The following BPIFB4 variants were observed in gnomAD, a reference collection of about 807,000 sequenced individuals.
BPIFB4 encodes the protein BPI fold-containing family B member 4.
A neutral mutation model predicts 69.2 loss-of-function variants in BPIFB4; 62 were observed. The ratio of observed to expected loss-of-function variants is 0.90; its 90% confidence interval spans 0.73 to 1.11. The LOEUF is 1.11. Among genes scored for constraint, BPIFB4 ranks in the 50% least tolerant of loss-of-function variants. The probability of loss-of-function intolerance (pLI) is 0.00; values close to 1 mark genes in which losing one functional copy is unlikely to be tolerated. For missense variants in BPIFB4, 789 were observed against 792.0 expected (o/e 1.00, Z 0.04); for synonymous variants, 330 against 332.7 (o/e 0.99, Z 0.09).
chr20:33,107,764 C>T lies in BPIFB4; in HGVS notation c.1765C>T (p.Pro589Ser). Residue 589 changes from proline (P) to serine (S), a missense_variant, in exon 17 of 18, where the codon CCT becomes TCT. By Grantham distance (74) the Pro-to-Ser change is moderately conservative (BLOSUM62 -1). Transcript: ENST00000375483. ...TACAGCTGTGCTGGGTTCTGGCGTC[C>T]CTCTCCCCAAAATCCTCAACATCGA... ...AMNAVLGSGVPLPKILNIDFS... is the reference protein window; with the variant it reads ...AMNAVLGSGVSLPKILNIDFS... 1.9e-6 allele frequency: 3 copies of T among 1,614,102 alleles called. No homozygotes were observed. The highest frequency in any genetic ancestry group is 2.7e-5 in the African/African-American group (2 of 75,060).
intron 8 of BPIFB4, 31 bp downstream of exon 8, chr20:33,089,060 G>A: frequency 1.9e-6 from 3 of 1,613,672 alleles, no homozygotes; most frequent in Non-Finnish European, 2.5e-6. Context: ...GGGAGCAAGG[G>A]GCACAGGCTT....
intron 14 of BPIFB4, among the ~76,000 whole-genome samples, chr20:33,101,086 G>A (rs566379046): frequency 3.3e-5 from 5 of 152,298 alleles, no homozygotes; most frequent in African/African-American, 1.2e-4. Flanking sequence ...CGAGGAGGAG[G>A]AGGAGGATGC....
Position 33,097,609 on chromosome 20 carries a change from G to A in BPIFB4, c.1399-8G>A. ...GCCCTGTCCATCTGGCCTGGTGCCT[G>A]CCCACAGGTGTTCCAGCAGTACCCC... On this transcript the variant is annotated splice_polypyrimidine_tract_variant and splice_region_variant and intron_variant, in intron 12 of 17. Coordinates refer to ENST00000375483, the MANE Select transcript of BPIFB4 (RefSeq NM_182519.3). 1.2e-6 allele frequency: 2 copies of A among 1,612,996 alleles called. No homozygotes were observed. Among genetic ancestry groups the A allele is most frequent in the Non-Finnish European group, 1.7e-6 (2 of 1,179,404 alleles).
chr20:33,111,577 C>A lies in BPIFB4; in HGVS notation c.*140C>A. ...TCCCTGGCCCCCCAACCCTCTTCCT[C>A]CCTTGCCCCAACCCTGAGAAAGGGT... On this transcript the variant is annotated 3_prime_UTR_variant, in exon 18 of 18. Coordinates refer to ENST00000375483, the MANE Select transcript of BPIFB4 (RefSeq NM_182519.3). 2 of 1,038,318 alleles carry A rather than the reference C, an allele frequency of 1.9e-6. No homozygotes were observed. Among genetic ancestry groups the A allele is most frequent in the South Asian group, 1.5e-5 (1 of 68,682 alleles). The allele number at this position is 1,038,318 out of a possible 1,614,324, so 64.3% of individuals were successfully genotyped here. A position where few individuals can be genotyped will look rare whatever the true frequency, so the allele number is the denominator to read the frequency against.
chr20:33,080,887 G>C, intron 2 of BPIFB4, among the ~76,000 whole-genome samples: 1 of 152,106 alleles, frequency 6.6e-6, no homozygotes, highest in Non-Finnish European at 1.5e-5. Flanking sequence ...ATGGATGGAT[G>C]GTGGGATGGG....
chr20:33,092,818 C>T (rs1981646725), intron 11 of BPIFB4, among the ~76,000 whole-genome samples, 160 bp downstream of exon 11: 1 of 152,224 alleles, frequency 6.6e-6, no homozygotes, highest in Non-Finnish European at 1.5e-5. Context: ...TCAATTACGT[C>T]AGTACTTGCC....
Position 33,083,551 on chromosome 20 carries a change from C to T in BPIFB4, c.354C>T (p.Leu118=). 6.2e-7 allele frequency: 1 copy of T among 1,614,044 alleles called. No homozygotes were observed. The highest frequency in any genetic ancestry group is 8.5e-7 in the Non-Finnish European group (1 of 1,179,966). ...ILESEGSIRD[L]RNSGYRSAEN... Reference sequence around the variant, plus strand: ...AGTCCGAGGGAAGCATCAGGGACCTCCGAAACAGTGGCTATCGCAGTGCCG... The same window carrying T: ...AGTCCGAGGGAAGCATCAGGGACCTTCGAAACAGTGGCTATCGCAGTGCCG... Residue 118 remains leucine, a synonymous_variant, in exon 5 of 18, where the codon CTC becomes CTT. Transcript: ENST00000375483.
chr20:33,096,733 G>T, intron 12 of BPIFB4, among the ~76,000 whole-genome samples: 1 of 152,308 alleles, frequency 6.6e-6, no homozygotes, highest in Admixed American at 6.5e-5. Context: ...CCTCAGTGGC[G>T]CTGGGACTGC....
chr20:33,111,174 G>A (rs761622693), intron 17 of BPIFB4, among the ~76,000 whole-genome samples: 1 of 152,080 alleles, frequency 6.6e-6, no homozygotes, highest in Non-Finnish European at 1.5e-5. Flanking sequence ...AGGGACTCAG[G>A]CCTACTTCTC....
intron 5 of BPIFB4, among the ~76,000 whole-genome samples, chr20:33,084,521 C>A (rs1361822892): frequency 6.6e-6 from 1 of 151,892 alleles, no homozygotes; most frequent in African/African-American, 2.4e-5. Context: ...AGGAAGAGGA[C>A]CTTAAGTTGA....
At chr20:33,086,961 T>C (rs1161272163) in intron 7 of BPIFB4, among the ~76,000 whole-genome samples, 1 of 152,128 alleles carries the variant, frequency 6.6e-6, no homozygotes, top group African/African-American at 2.4e-5. Context: ...TCCTCTCCAT[T>C]ATTATCCATC....
intron 12 of BPIFB4, among the ~76,000 whole-genome samples, chr20:33,096,559 G>A (rs2146410978): frequency 6.6e-6 from 1 of 152,352 alleles, no homozygotes; most frequent in East Asian, 1.9e-4. Flanking sequence ...ACAGGCATGA[G>A]CCACAGTGCC....
rs372126061 is a variant in BPIFB4, at chr20:33,108,444, T to C, written c.1821+624T>C. Among the ~76,000 whole-genome samples, 10 of 150,136 alleles carry C rather than the reference T, an allele frequency of 6.7e-5. 1 individual carries two copies. The East Asian group carries it at 1.6e-3, about 23-fold the overall frequency. ...ATGTCTATATATATATATAGACATA[T>C]ATACAATCCAGCAATTCCCCCTGAG... On this transcript the variant is annotated intron_variant, in intron 17 of 17. Coordinates refer to ENST00000375483, the MANE Select transcript of BPIFB4 (RefSeq NM_182519.3).
At chr20:33,108,654 A>G (rs1053263515) in intron 17 of BPIFB4, among the ~76,000 whole-genome samples, 4 of 152,018 alleles carry the variant, frequency 2.6e-5, no homozygotes, top group African/African-American at 9.7e-5. Flanking sequence ...TATTTCCTCT[A>G]TAAAAAGGGG....
At chr20:33,106,498 G>A (rs544935079) in intron 16 of BPIFB4, among the ~76,000 whole-genome samples, 12 of 150,380 alleles carry the variant, frequency 8.0e-5, no homozygotes, top group African/African-American at 2.2e-4. Context: ...TCAGCCTCCC[G>A]AGTACCTGGG....
At chr20:33,103,626 C>T (rs1038544435) in intron 15 of BPIFB4, among the ~76,000 whole-genome samples, 2 of 30,188 alleles carry the variant, frequency 6.6e-5, no homozygotes, top group Non-Finnish European at 1.9e-4. Context: ...TCCTCCCCAC[C>T]CCCCCACCTC....
chr20:33,082,807 G>A (rs963958576), intron 3 of BPIFB4, 131 bp from the exon 4 acceptor site: 28 of 877,332 alleles, frequency 3.2e-5, no homozygotes, highest in Admixed American at 3.1e-4. Context: ...AAGTCATCCC[G>A]TTCAGCCTCT....
chr20:33,086,044 C>A lies in BPIFB4; in HGVS notation c.806C>A (p.Ala269Glu). Residue 269 changes from alanine to glutamate, a missense_variant, in exon 7 of 18, where the codon GCA (alanine) becomes GAA (glutamate). This residue lies in a region of BPIFB4 where 611 missense variants were observed against 575.4 expected (regional missense o/e 1.06). Transcript: ENST00000375483. ...AGTCTTATTGGCTTCCTGGACATCG[C>A]AGTAGAAGTGAACATCACAGCCAAG... ...GKSLIGFLDI[A>E]VEVNITAKVR... is the part of the protein sequence containing the mutation. 1 of 1,612,830 alleles carries A rather than the reference C, an allele frequency of 6.2e-7. No individual in the cohort carries two copies. Among genetic ancestry groups the A allele is most frequent in the Non-Finnish European group, 8.5e-7 (1 of 1,178,956 alleles).
chr20:33,081,738 G>A (rs221985), intron 3 of BPIFB4, 106 bp downstream of exon 3: 154,583 of 1,480,042 alleles, frequency 0.1, 8,610 homozygotes, highest in African/African-American at 0.12. Flanking sequence ...GTTCACATCG[G>A]GAGGCTGGGT....
Sources: gnomAD v4.1 joint callset for allele counts (sites outside exome capture counted in the v4.1 genomes callset) on GRCh38, gnomAD v4.1.1 for gene constraint, gnomAD v4.1.1 regional missense constraint, MANE v1.5 for transcripts, NCBI Gene and HGNC (gene_info 2026-07-23, HGNC 2026-07-21) for gene names.